The following ANGPT2 variants were observed in gnomAD, a reference collection of about 807,000 sequenced individuals.
The protein encoded by ANGPT2 is angiopoietin 2.
A neutral mutation model predicts 62.9 loss-of-function variants in ANGPT2; 28 were observed. The observed-to-expected ratio is 0.44, with a 90% CI of 0.33 to 0.61. ANGPT2 has a LOEUF of 0.61. Among genes scored for constraint, ANGPT2 ranks in the 20% least tolerant of loss-of-function variants. ANGPT2 has a pLI of 0.03. For missense variants in ANGPT2, 727 were observed against 594.9 expected (o/e 1.22, Z -2.31); for synonymous variants, 284 against 207.8 (o/e 1.37, Z -3.15).
chr8:6,561,892 C>T (rs1229931196), intron 1 of ANGPT2, among the ~76,000 whole-genome samples: 3 of 152,114 alleles, frequency 2.0e-5, no homozygotes, highest in South Asian at 2.1e-4. Context: ...GTGGAATCAC[C>T]CCAAGAACAA....
At position 6,524,559 on chromosome 8, in the gene ANGPT2, G is replaced by A. The variant is rs139215056; in HGVS notation, c.566+2996C>T. ...TGAGTGATAGTTGGGTTCAGATCACGTCTTACCTTCCGTTTAACAGAGATG... is the reference window on the plus strand; with the variant it reads ...TGAGTGATAGTTGGGTTCAGATCACATCTTACCTTCCGTTTAACAGAGATG... On this transcript the variant is annotated intron_variant, in intron 3 of 8. Coordinates refer to ENST00000629816, the MANE Select transcript of ANGPT2 (RefSeq NM_001118887.2). 2.0e-4 allele frequency among the ~76,000 whole-genome samples: 31 copies of A among 152,326 alleles called. No homozygotes were observed. In the East Asian group the frequency reaches 5.0e-3, roughly 25 times the overall value.
intron 6 of ANGPT2, 79 bp downstream of exon 6, chr8:6,514,598 G>T: frequency 1.6e-6 from 2 of 1,254,714 alleles, no homozygotes; most frequent in Non-Finnish European, 2.3e-6. Flanking sequence ...TTTGGGATTG[G>T]TGGTTAAGGT....
In ANGPT2 at chr8:6,520,985, G is replaced by T. The variant is rs553855232; in HGVS notation, c.799+193C>A. Reference sequence around the variant, plus strand: ...TGCCATGAATCAAAAGTATGCTTGGGGTGTTTGCTTCATAATAATTAGTAT... The same window carrying T: ...TGCCATGAATCAAAAGTATGCTTGGTGTGTTTGCTTCATAATAATTAGTAT... On this transcript the variant is annotated intron_variant, in intron 4 of 8. Coordinates refer to ENST00000629816, the MANE Select transcript of ANGPT2 (RefSeq NM_001118887.2). Among the ~76,000 whole-genome samples, 3 of 152,102 alleles carry T rather than the reference G, an allele frequency of 2.0e-5. No homozygotes were observed. In the East Asian group the frequency reaches 5.8e-4, roughly 29 times the overall value.
At position 6,535,787 on chromosome 8, in the gene ANGPT2, C is replaced by T. The variant is rs573972354; in HGVS notation, c.289-3300G>A. Among the ~76,000 whole-genome samples the T allele has an allele frequency of 2.0e-5, 3 of 152,200 alleles. No homozygotes were observed. The East Asian group carries it at 5.8e-4, about 29-fold the overall frequency. ...TTTGAGCCAGTCGTGATGGCTCATG[C>T]CTGTAATCCCAGCACTTTGGGAGGC... is the stretch of plus-strand genomic sequence containing the variant. On this transcript the variant is annotated intron_variant, in intron 1 of 8. Transcript: ENST00000629816.
intron 1 of ANGPT2, among the ~76,000 whole-genome samples, chr8:6,540,856 C>T (rs973898591): frequency 2.0e-5 from 3 of 152,212 alleles, no homozygotes; most frequent in Non-Finnish European, 4.4e-5. Flanking sequence ...CACGTGGACT[C>T]AGGCGGCCAC....
intron 8 of ANGPT2, among the ~76,000 whole-genome samples, chr8:6,505,719 T>C (rs1252744976): frequency 1.1e-5 from 1 of 88,050 alleles, no homozygotes; most frequent in South Asian, 3.3e-4. Context: ...GTATATATAT[T>C]CTATATATAT....
intron 1 of ANGPT2, among the ~76,000 whole-genome samples, chr8:6,545,016 A>G (rs1822305680): frequency 6.6e-6 from 1 of 152,200 alleles, no homozygotes; most frequent in Admixed American, 6.5e-5. Flanking sequence ...TTTAACAAAT[A>G]ACATAATAGA....
intron 3 of ANGPT2, among the ~76,000 whole-genome samples, chr8:6,524,520 C>T (rs554129303): frequency 6.0e-4 from 91 of 152,314 alleles, no homozygotes; most frequent in African/African-American, 1.6e-3. Context: ...GTGAAATTGA[C>T]ATACACGTTT....
At position 6,519,953 on chromosome 8, in the gene ANGPT2, A is replaced by C; in HGVS notation, c.838T>G (p.Phe280Val). ...TTGAATACTTCAGCACAGTCTCTGA[A>C]GCTGATTTGTTCTTCTTTAGCAACA... ...PTVAKEEQIS[F>V]RDCAEVFKSG... The change falls in exon 5 of 9, where the codon TTC (phenylalanine) becomes GTC (valine). Residue 280 changes from phenylalanine to valine, a missense_variant. By Grantham distance (50) the Phe-to-Val change is conservative. Transcript: ENST00000629816. The C allele has an allele frequency of 1.2e-6, 2 of 1,614,104 alleles. No individual in the cohort carries two copies. Among genetic ancestry groups the C allele is most frequent in the Non-Finnish European group, 1.7e-6 (2 of 1,179,962 alleles).
chr8:6,556,457 C>T (rs28539969), intron 1 of ANGPT2, among the ~76,000 whole-genome samples: 20,062 of 152,006 alleles, frequency 0.13, 3,648 homozygotes, highest in African/African-American at 0.41. Context: ...CATCCCCACC[C>T]CACAGTCCCT....
chr8:6,526,137 A>G (rs1365324821), intron 3 of ANGPT2, among the ~76,000 whole-genome samples: 1 of 151,828 alleles, frequency 6.6e-6, no homozygotes, highest in Non-Finnish European at 1.5e-5. Context: ...TAAGAAAACG[A>G]CGCCAGGTAC....
intron 7 of ANGPT2, among the ~76,000 whole-genome samples, chr8:6,512,818 G>C (rs1457913680): frequency 6.6e-6 from 1 of 152,190 alleles, no homozygotes; most frequent in Non-Finnish European, 1.5e-5. Context: ...GTGAGGACAA[G>C]GTAAACACCC....
At chr8:6,528,624 C>T (rs1351703647) in intron 2 of ANGPT2, among the ~76,000 whole-genome samples, 2 of 152,266 alleles carry the variant, frequency 1.3e-5, no homozygotes, top group Non-Finnish European at 2.9e-5. Context: ...GTGGCATGAG[C>T]AGTGCGGCTC....
In ANGPT2 at chr8:6,503,030, G is replaced by A. The variant is rs1490694434; in HGVS notation, c.*71C>T. 16 of 1,574,606 alleles carry A rather than the reference G, an allele frequency of 1.0e-5. No homozygotes were observed. The highest frequency in any genetic ancestry group is 2.2e-5 in the East Asian group (1 of 44,676). On this transcript the variant is annotated 3_prime_UTR_variant, in exon 9 of 9. Transcript: ENST00000629816. ...GTGGAAGAGGACACAGTGCGCAGCC[G>A]TGACTTTCAGTGCACTGGGCTTAAG... is the stretch of plus-strand genomic sequence containing the variant.
intron 7 of ANGPT2, among the ~76,000 whole-genome samples, chr8:6,512,943 G>GACAATTGAA (rs1258719363): frequency 6.6e-6 from 1 of 152,204 alleles, no homozygotes; most frequent in African/African-American, 2.4e-5. Context: ...TGAGATTGAA[G>GACAATTGAA]ACAATTGAAT....
At chr8:6,518,815 T>C (rs1432898349) in intron 5 of ANGPT2, among the ~76,000 whole-genome samples, 1 of 152,194 alleles carries the variant, frequency 6.6e-6, no homozygotes, top group Admixed American at 6.5e-5. Context: ...AGTTATCCAG[T>C]AGTTACATAA....
At chr8:6,550,017 G>A (rs528422525) in intron 1 of ANGPT2, among the ~76,000 whole-genome samples, 2 of 152,318 alleles carry the variant, frequency 1.3e-5, no homozygotes, top group South Asian at 2.1e-4. Flanking sequence ...ATTCGGGGAC[G>A]GGGGACGTGC....
At chr8:6,525,251 C>A (rs866876942) in intron 3 of ANGPT2, among the ~76,000 whole-genome samples, 6 of 152,124 alleles carry the variant, frequency 3.9e-5, no homozygotes, top group African/African-American at 1.4e-4. Context: ...GCCCCCTGAT[C>A]GTTGTAAATT....
intron 1 of ANGPT2, among the ~76,000 whole-genome samples, chr8:6,537,952 C>T (rs534815257): frequency 6.6e-6 from 1 of 152,130 alleles, no homozygotes; most frequent in African/African-American, 2.4e-5. Flanking sequence ...TCTGAGTGAC[C>T]TAAGGTGGAC....
Sources: allele counts gnomAD v4.1 joint callset (sites outside exome capture counted in the v4.1 genomes callset), GRCh38; gene constraint gnomAD v4.1.1; transcripts MANE v1.5; gene names NCBI Gene and HGNC (gene_info 2026-07-23, HGNC 2026-07-21).